The following SYNE1 variants were observed in gnomAD, a reference collection of about 807,000 sequenced individuals.
The protein encoded by SYNE1 is nesprin-1.
A neutral mutation model predicts 1,111.0 loss-of-function variants in SYNE1; 616 were observed. The observed-to-expected ratio is 0.55, with a 90% CI of 0.52 to 0.59. The LOEUF (loss-of-function observed/expected upper bound fraction) is 0.59. SYNE1 is among the 20% of genes least tolerant of loss of function. SYNE1 has a pLI of 0.00. For synonymous variants in SYNE1, 3,855 were observed against 3,825.8 expected (o/e 1.01, Z -0.28); for missense variants, 10,006 against 10,417.0 (o/e 0.96, Z 1.72).
chr6:152,587,241 T>A (rs1211969830), intron 3 of SYNE1, among the ~76,000 whole-genome samples: 1 of 152,186 alleles, frequency 6.6e-6, no homozygotes, highest in Admixed American at 6.5e-5. Flanking sequence ...TTTCCACAAT[T>A]TTTGCATTCC....
chr6:152,268,653 TTAAGG>T (rs1429076561), intron 99 of SYNE1, among the ~76,000 whole-genome samples: 1 of 152,174 alleles, frequency 6.6e-6, no homozygotes, highest in Admixed American at 6.5e-5. Flanking sequence ...TTACATACAG[TTAAGG>T]TACCAATGAG....
chr6:152,231,664 C>A lies in SYNE1; in HGVS notation c.20863-97G>T. ...TAAGTAACCTTAATATTAATATTATCACTTCCATAACTCAGCTGAAATGGC... is the reference window on the plus strand; with the variant it reads ...TAAGTAACCTTAATATTAATATTATAACTTCCATAACTCAGCTGAAATGGC... On this transcript the variant is annotated intron_variant, in intron 113 of 145. Coordinates refer to ENST00000367255, the MANE Select transcript of SYNE1 (RefSeq NM_182961.4). 3.1e-6 allele frequency: 4 copies of A among 1,292,634 alleles called. No individual in the cohort carries two copies. In the South Asian group the frequency reaches 5.2e-5, roughly 17 times the overall value. The allele number at this position is 1,292,634 out of a possible 1,614,324, so 80.1% of individuals were successfully genotyped here. A position where few individuals can be genotyped will look rare whatever the true frequency, so the allele number is the denominator to read the frequency against.
chr6:152,244,458 A>G (rs960412433), intron 106 of SYNE1, 79 bp downstream of exon 106: 5 of 1,606,380 alleles, frequency 3.1e-6, no homozygotes, highest in Non-Finnish European at 4.3e-6. Flanking sequence ...AAAGAAAGCC[A>G]AGAAAAATAA....
intron 16 of SYNE1, among the ~76,000 whole-genome samples, chr6:152,467,880 A>T (rs1044861553): frequency 6.6e-6 from 1 of 151,980 alleles, no homozygotes; most frequent in Non-Finnish European, 1.5e-5. Context: ...AGCAATATGG[A>T]TTATTTTATC....
intron 93 of SYNE1, 119 bp from the exon 94 acceptor site, chr6:152,294,246 T>G: frequency 1.1e-6 from 1 of 933,678 alleles, no homozygotes; most frequent in Non-Finnish European, 1.7e-6. Context: ...CATGGGGCAC[T>G]ACAAACTAGT....
At chr6:152,476,782 T>C (rs1038974965) in intron 14 of SYNE1, among the ~76,000 whole-genome samples, 1 of 150,378 alleles carries the variant, frequency 6.6e-6, no homozygotes, top group African/African-American at 2.5e-5. Context: ...GGTGGAAGGA[T>C]CACTGGATCC....
intron 100 of SYNE1, among the ~76,000 whole-genome samples, chr6:152,264,078 G>A (rs111407432): frequency 0.11 from 16,856 of 150,056 alleles, 1,098 homozygotes; most frequent in African/African-American, 0.17. Flanking sequence ...GCATGGTGGC[G>A]CACACCTGTT....
At chr6:152,365,634 G>GT (rs35307403) in intron 62 of SYNE1, among the ~76,000 whole-genome samples, 18,176 of 142,040 alleles carry the variant, frequency 0.13, 1,383 homozygotes, top group African/African-American at 0.22. Context: ...TAATTTAAAT[G>GT]TTTTTTTTTT....
At chr6:152,251,534 G>A (rs1187761150) in intron 104 of SYNE1, among the ~76,000 whole-genome samples, 2 of 151,800 alleles carry the variant, frequency 1.3e-5, no homozygotes, top group South Asian at 2.1e-4. Context: ...CGAGGCGGGC[G>A]GATCACGAGG....
At chr6:152,153,808 A>G (rs886804996) in intron 133 of SYNE1, among the ~76,000 whole-genome samples, 2 of 152,230 alleles carry the variant, frequency 1.3e-5, no homozygotes, top group African/African-American at 4.8e-5. Context: ...TTCAGACATC[A>G]GAGTAATTCA....
intron 108 of SYNE1, 83 bp from the exon 109 acceptor site, chr6:152,237,031 G>A (rs1397912579): frequency 1.4e-5 from 22 of 1,545,208 alleles, no homozygotes; most frequent in Non-Finnish European, 1.8e-5. Flanking sequence ...ATACGTGCCT[G>A]ACAGTCTCTC....
chr6:152,507,715 T>C (rs1199046237), intron 8 of SYNE1, among the ~76,000 whole-genome samples: 1 of 152,190 alleles, frequency 6.6e-6, no homozygotes, highest in African/African-American at 2.4e-5. Flanking sequence ...ATTTATTTTG[T>C]TACCTTACTA....
At chr6:152,514,886 T>C (rs1474765553) in intron 6 of SYNE1, among the ~76,000 whole-genome samples, 1 of 152,192 alleles carries the variant, frequency 6.6e-6, no homozygotes, top group Non-Finnish European at 1.5e-5. Context: ...TACTCTGCTA[T>C]GGCAGCCAAA....
At chr6:152,423,164 G>C (rs559501613) in intron 39 of SYNE1, among the ~76,000 whole-genome samples, 1 of 152,128 alleles carries the variant, frequency 6.6e-6, no homozygotes, top group Non-Finnish European at 1.5e-5. Flanking sequence ...AACAAGACCA[G>C]CTTTGCTAGC....
chr6:152,336,942 A>G lies in SYNE1; in HGVS notation c.12427T>C (p.Trp4143Arg), dbSNP rs1432199377. The G allele has an allele frequency of 6.2e-7, 1 of 1,614,066 alleles. No homozygotes were observed. Among genetic ancestry groups the G allele is most frequent in the Non-Finnish European group, 8.5e-7 (1 of 1,180,046 alleles). Reference sequence around the variant, plus strand: ...TGATCAGCATCTTGCAGGTAAATCCAGAGCTCAGACTTCAGGTGCTTGATC... The same window carrying G: ...TGATCAGCATCTTGCAGGTAAATCCGGAGCTCAGACTTCAGGTGCTTGATC... ...EEIKHLKSELWIYLQDADQQL... is the reference protein window; with the variant it reads ...EEIKHLKSELRIYLQDADQQL... Residue 4143 changes from tryptophan (W) to arginine (R), a missense_variant, in exon 76 of 146, where the codon TGG (tryptophan) becomes CGG (arginine). Around this residue, in one of 7 missense-constraint regions of SYNE1, gnomAD observed 4,955 missense variants for 5,017.2 expected, o/e 0.99. Transcript: ENST00000367255.
At chr6:152,500,934 G>A (rs1305612208) in intron 10 of SYNE1, among the ~76,000 whole-genome samples, 2 of 145,334 alleles carry the variant, frequency 1.4e-5, no homozygotes, top group Non-Finnish European at 3.0e-5. Context: ...CTGGGTGACA[G>A]AGTGAGACTC....
intron 143 of SYNE1, among the ~76,000 whole-genome samples, 167 bp downstream of exon 143, chr6:152,133,109 T>C (rs772153978): frequency 1.2e-4 from 19 of 152,234 alleles, no homozygotes; most frequent in Admixed American, 2.0e-4. Flanking sequence ...TAAAAGTTTA[T>C]GTGGCTGCTT....
chr6:152,582,073 A>G (rs1266870019), intron 3 of SYNE1, among the ~76,000 whole-genome samples: 2 of 152,108 alleles, frequency 1.3e-5, no homozygotes, highest in African/African-American at 2.4e-5. Flanking sequence ...AGCTAGTTGT[A>G]TGACATACAG....
At chr6:152,464,113 A>C (rs1170866289) in intron 18 of SYNE1, among the ~76,000 whole-genome samples, 1 of 152,204 alleles carries the variant, frequency 6.6e-6, no homozygotes, top group Non-Finnish European at 1.5e-5. Flanking sequence ...ATCGAAGCAA[A>C]AAATTTTAAA....
Sources: allele counts gnomAD v4.1 joint callset (sites outside exome capture counted in the v4.1 genomes callset), GRCh38; gene constraint gnomAD v4.1.1; regional missense constraint gnomAD v4.1.1; transcripts MANE v1.5; gene names NCBI Gene and HGNC (gene_info 2026-07-23, HGNC 2026-07-21).